UBA7: variants seen among roughly 807,000 people sequenced by gnomAD.
The protein encoded by UBA7 is ubiquitin like modifier activating enzyme 7.
A neutral mutation model predicts 113.0 loss-of-function variants in UBA7; 88 were observed. The observed-to-expected ratio is 0.78, with a 90% CI of 0.66 to 0.93. The LOEUF is 0.93. UBA7 is among the 40% of genes least tolerant of loss of function. UBA7 has a pLI of 0.00. For missense variants in UBA7, 1,092 were observed against 1,266.4 expected, an observed-to-expected ratio of 0.86 and a Z score of 2.09; for synonymous variants, 459 against 513.0, an observed-to-expected ratio of 0.89 and a Z score of 1.42.
At chr3:49,808,532 C>G in intron 18 of UBA7, 64 bp from the exon 19 acceptor site, 1 of 1,543,904 alleles carries the variant, frequency 6.5e-7, no homozygotes, top group Non-Finnish European at 8.8e-7. Context: ...TCTTGGAGCC[C>G]TGTGCCTATT....
intron 1 of UBA7, 31 bp downstream of exon 1, chr3:49,813,701 C>A: frequency 6.2e-7 from 1 of 1,614,240 alleles, no homozygotes; most frequent in Non-Finnish European, 8.5e-7. Flanking sequence ...TGAAGACCAT[C>A]CCACTCTCCA....
chr3:49,812,977 G>T (rs1243073937), intron 4 of UBA7, 85 bp downstream of exon 4: 6 of 1,465,042 alleles, frequency 4.1e-6, no homozygotes, highest in African/African-American at 1.4e-5. Context: ...GGTTGGAGGG[G>T]CACTGGAGCA....
intron 21 of UBA7, among the ~76,000 whole-genome samples, chr3:49,806,819 T>C (rs2081460819): frequency 6.6e-6 from 1 of 151,326 alleles, no homozygotes; most frequent in Non-Finnish European, 1.5e-5. Context: ...AGGCTAGAGG[T>C]GAGATGGGGG....
chr3:49,808,997 C>G lies in UBA7; in HGVS notation c.2326G>C (p.Ala776Pro). The change falls in exon 18 of 24, where the codon GCT (alanine) becomes CCT (proline). Residue 776 changes from alanine to proline, a missense_variant. Ala to Pro is a conservative substitution (Grantham distance 27). Transcript: ENST00000333486. ...TCACCAAACTCAGCAGAAGCCGAAG[C>G]CAGCTCTAGATTACTAGCAAAGATG... The part of the protein sequence containing the change: ...APIFASNLEL[A>P]SASAEFGPEQ... The G allele has an allele frequency of 2.5e-6, 4 of 1,613,640 alleles. No individual in the cohort carries two copies. Among genetic ancestry groups the G allele is most frequent in the Non-Finnish European group, 3.4e-6 (4 of 1,179,958 alleles).
rs759203296 is a variant in UBA7, at chr3:49,808,484, A to T, written c.2348-16T>A. On this transcript the variant is annotated splice_polypyrimidine_tract_variant and intron_variant, in intron 18 of 23. Transcript: ENST00000333486. Reference sequence around the variant, plus strand: ...TGCTCAGGGCCTGTCAGGGGAGGGGATGTTGAGGCAGTCCTTAGCCCCTGT... The same window carrying T: ...TGCTCAGGGCCTGTCAGGGGAGGGGTTGTTGAGGCAGTCCTTAGCCCCTGT... 4.2e-5 allele frequency: 67 copies of T among 1,613,096 alleles called. No homozygotes were observed. Among genetic ancestry groups the T allele is most frequent in the South Asian group, 4.4e-5 (4 of 91,040 alleles).
intron 17 of UBA7, 65 bp downstream of exon 17, chr3:49,809,325 A>T: frequency 6.3e-7 from 1 of 1,574,820 alleles, no homozygotes; most frequent in Non-Finnish European, 8.7e-7. Flanking sequence ...AGAATGCAGA[A>T]ATGCCTACCT....
Position 49,813,564 on chromosome 3 carries a change from A to T in UBA7, c.140T>A (p.Val47Glu). ...ACCCATCAGAACCAAGTTCTTGGCCACCTCGGCCCCCAGGCCCTGCAGGCC... is the reference window on the plus strand; with the variant it reads ...ACCCATCAGAACCAAGTTCTTGGCCTCCTCGGCCCCCAGGCCCTGCAGGCC... ...VSGLQGLGAE[V>E]AKNLVLMGVG... The change falls in exon 2 of 24, where the codon GTG becomes GAG. Residue 47 changes from valine (V) to glutamate (E), a missense_variant. Physicochemically the swap from Val to Glu is moderately radical, Grantham distance 121 (BLOSUM62 -2). Coordinates refer to ENST00000333486, the MANE Select transcript of UBA7 (RefSeq NM_003335.3). The T allele has an allele frequency of 6.2e-7, 1 of 1,613,910 alleles. No individual in the cohort carries two copies. Among genetic ancestry groups the T allele is most frequent in the Non-Finnish European group, 8.5e-7 (1 of 1,180,016 alleles).
chr3:49,809,095 C>T lies in UBA7; in HGVS notation c.2228G>A (p.Gly743Asp). The T allele has an allele frequency of 6.2e-7, 1 of 1,613,546 alleles. No homozygotes were observed. The highest frequency in any genetic ancestry group is 8.5e-7 in the Non-Finnish European group (1 of 1,179,852). ...NLYAQMHGLP[G>D]SQDWTALREL... ...CCTGAGTGCAGTCCAGTCCTGTGAG[C>T]CAGGCAGCCCATGCATCTGGGCATA... The change falls in exon 18 of 24, where the codon GGC becomes GAC. Residue 743 changes from glycine (G) to aspartate (D), a missense_variant. By Grantham distance (94) the Gly-to-Asp change is moderately conservative. This residue lies in a region of UBA7 where 500 missense variants were observed against 529.3 expected (regional missense o/e 0.94). Transcript: ENST00000333486.
At position 49,812,693 on chromosome 3, in the gene UBA7, G is replaced by A. The variant is rs773378048; in HGVS notation, c.513C>T (p.Pro171=). The A allele has an allele frequency of 9.9e-6, 16 of 1,614,080 alleles. No homozygotes were observed. The highest frequency in any genetic ancestry group is 1.4e-5 in the Non-Finnish European group (16 of 1,180,040). The change falls in exon 5 of 24, where the codon CCC becomes CCT. Residue 171 remains proline (P), a synonymous_variant. Transcript: ENST00000333486. ...DFGEDFTVQD[P]TEAEPLTAAI... ...CAGCTGTCAGGGGTTCTGCCTCTGT[G>A]GGGTCCTGCACAGTGAAGTCCTCAC...
chr3:49,806,023 C>T (rs1239237404), intron 22 of UBA7, 26 bp from the exon 23 acceptor site: 1 of 1,567,190 alleles, frequency 6.4e-7, no homozygotes, highest in Non-Finnish European at 8.7e-7. Flanking sequence ...CAGACACCAG[C>T]TGGGCCGGGC....
At position 49,810,484 on chromosome 3, in the gene UBA7, G is replaced by T. The variant is rs374095678; in HGVS notation, c.1467+33C>A. 5.6e-6 allele frequency: 9 copies of T among 1,614,050 alleles called. No homozygotes were observed. Among genetic ancestry groups the T allele is most frequent in the African/African-American group, 1.3e-5 (1 of 75,032 alleles). On this transcript the variant is annotated intron_variant, in intron 12 of 23. Coordinates refer to ENST00000333486, the MANE Select transcript of UBA7 (RefSeq NM_003335.3). The surrounding 1 kb of genome is among the most constrained non-coding windows in gnomAD (Gnocchi z 5.6). Reference sequence around the variant, plus strand: ...GAAGCTGTATGGGAGGACGGTCTGGGATGCAGGAGTGTGGAGAGGGGTCAG... The same window carrying T: ...GAAGCTGTATGGGAGGACGGTCTGGTATGCAGGAGTGTGGAGAGGGGTCAG...
At position 49,812,629 on chromosome 3, in the gene UBA7, C is replaced by A. The variant is rs1282414335; in HGVS notation, c.558+19G>T. ...CCTCTCCTTGGTCAGCAGGTGAATG[C>A]CTACAGCTCAGCACCCACCTGGGAG... On this transcript the variant is annotated intron_variant, in intron 5 of 23. Transcript: ENST00000333486. 1.9e-6 allele frequency: 3 copies of A among 1,614,206 alleles called. No homozygotes were observed. The highest frequency in any genetic ancestry group is 2.5e-6 in the Non-Finnish European group (3 of 1,180,030).
Position 49,809,033 on chromosome 3 carries a change from G to C in UBA7, c.2290C>G (p.Gln764Glu). The change falls in exon 18 of 24, where the codon CAG (glutamine) becomes GAG (glutamate). Residue 764 changes from glutamine (Q) to glutamate (E), a missense_variant. Transcript: ENST00000333486. ...TTACTAGCAAAGATGGGGGCCATCT[G>C]TTGGGGGTCAGGCTGTGGCAGCAGC... The part of the protein sequence containing the change: ...LKLLPQPDPQ[Q>E]MAPIFASNLE... The C allele has an allele frequency of 1.9e-6, 3 of 1,613,968 alleles. No individual in the cohort carries two copies. Among genetic ancestry groups the C allele is most frequent in the Non-Finnish European group, 8.5e-7 (1 of 1,180,014 alleles).
chr3:49,809,070 C>T lies in UBA7; in HGVS notation c.2253G>A (p.Arg751=). 6.2e-7 allele frequency: 1 copy of T among 1,613,808 alleles called. No homozygotes were observed. Among genetic ancestry groups the T allele is most frequent in the Middle Eastern group, 1.6e-4 (1 of 6,062 alleles). ...LPGSQDWTAL[R]ELLKLLPQPD... is the part of the protein sequence containing the mutation. ...GCTGTGGCAGCAGCTTCAGCAGCTC[C>T]CTGAGTGCAGTCCAGTCCTGTGAGC... Residue 751 remains arginine (R), a synonymous_variant, in exon 18 of 24, where the codon AGG becomes AGA. Transcript: ENST00000333486.
In UBA7 at chr3:49,810,467, A is replaced by G; in HGVS notation, c.1468-39T>C. On this transcript the variant is annotated intron_variant, in intron 12 of 23. Transcript: ENST00000333486. This position sits in a 1 kb window ranked among gnomAD's most constrained non-coding sequence, Gnocchi z 5.6. ...AGGAAGATGTTGGGTGGGAAGCTGT[A>G]TGGGAGGACGGTCTGGGATGCAGGA... 1.2e-6 allele frequency: 2 copies of G among 1,613,976 alleles called. No homozygotes were observed. The highest frequency in any genetic ancestry group is 1.1e-5 in the South Asian group (1 of 91,076).
rs1267874668 is a variant in UBA7 at position 49,805,209 on chromosome 3, T to C, written c.*99A>G. ...TATCGTCCATCCTCTCTGCAATGCC[T>C]TCCTTTAACAAGCATTTATTGAGTG... On this transcript the variant is annotated 3_prime_UTR_variant, in exon 24 of 24. Coordinates refer to ENST00000333486, the MANE Select transcript of UBA7 (RefSeq NM_003335.3). 2.3e-6 allele frequency: 3 copies of C among 1,295,890 alleles called. No individual in the cohort carries two copies. The East Asian group carries it at 7.4e-5, about 32-fold the overall frequency. 80.3% of individuals were successfully genotyped at this position (1,295,890 alleles called of 1,614,324 possible). A position where few individuals can be genotyped will look rare whatever the true frequency, so the allele number is the denominator to read the frequency against.
chr3:49,812,662 G>A lies in UBA7; in HGVS notation c.544C>T (p.Gln182Ter). 6.2e-7 allele frequency: 1 copy of A among 1,614,210 alleles called. No homozygotes were observed. Among genetic ancestry groups the A allele is most frequent in the East Asian group, 2.2e-5 (1 of 44,884 alleles). The change falls in exon 5 of 24, where the codon CAG (glutamine) becomes TAG (stop). Residue 182 changes from glutamine to a stop codon, truncating the protein, a stop_gained. Transcript: ENST00000333486. LOFTEE classifies it high-confidence loss of function. ...TEAEPLTAAI[Q>*]HISQGSPGIL... is the part of the protein sequence containing the mutation. ...TCAGCACCCACCTGGGAGATGTGCT[G>A]GATGGCAGCTGTCAGGGGTTCTGCC...
At position 49,805,958 on chromosome 3, in the gene UBA7, A is replaced by G. The variant is rs367653928; in HGVS notation, c.2848T>C (p.Ser950Pro). Residue 950 changes from serine (S) to proline (P), a missense_variant, in exon 23 of 24, where the codon TCA becomes CCA. Physicochemically the swap from Ser to Pro is moderately conservative, Grantham distance 74. Transcript: ENST00000333486. The stretch of plus-strand genomic sequence containing the variant: ...CATCCGGCCGCATAGAGCAGGGCTG[A>G]GCCGTGCAGCAGGATCCTCACCCTC... ...GLRVRILLHG[S>P]ALLYAAGWSP... The G allele has an allele frequency of 6.4e-6, 10 of 1,565,968 alleles. No homozygotes were observed. The highest frequency in any genetic ancestry group is 8.7e-7 in the Non-Finnish European group (1 of 1,155,204).
In UBA7 at chr3:49,808,398, C is replaced by G. The variant is rs2081489679; in HGVS notation, c.2418G>C (p.Leu806=). ...CTTGGGCACCCACCTTCTCAAACAT[C>G]AGAGGCTTCAGGGGAGGGCCCACAC... The part of the protein sequence containing the change: ...VWSVGPPLKP[L]MFEKDDDSNF... The change falls in exon 19 of 24, where the codon CTG becomes CTC. Residue 806 remains leucine (L), a synonymous_variant. Transcript: ENST00000333486. 1.9e-6 allele frequency: 3 copies of G among 1,614,228 alleles called. No individual in the cohort carries two copies. Among genetic ancestry groups the G allele is most frequent in the Non-Finnish European group, 1.7e-6 (2 of 1,180,038 alleles).
Sources: allele counts gnomAD v4.1 joint callset (sites outside exome capture counted in the v4.1 genomes callset), GRCh38; gene constraint gnomAD v4.1.1; regional missense constraint gnomAD v4.1.1; non-coding constraint Gnocchi (gnomAD v3.1); transcripts MANE v1.5; gene names NCBI Gene and HGNC (gene_info 2026-07-23, HGNC 2026-07-21).